ADGRL3: variants seen among roughly 807,000 people sequenced by gnomAD.
The protein encoded by ADGRL3 is calcium-independent alpha-latrotoxin receptor 3.
Under a neutral mutation model 153.5 loss-of-function variants are expected in ADGRL3, and 62 were observed. The observed-to-expected ratio is 0.40, with a 90% CI of 0.33 to 0.50. The LOEUF is 0.50. Ranked by LOEUF, ADGRL3 falls within the 20% of genes least tolerant of loss-of-function variation. The probability of loss-of-function intolerance (pLI) is 0.47; values close to 1 mark genes in which losing one functional copy is unlikely to be tolerated. For missense variants in ADGRL3, 1,641 were observed against 1,859.4 expected (o/e 0.88, Z 2.16); for synonymous variants, 710 against 672.5 (o/e 1.06, Z -0.86).
chr4:62,009,428 A>G (rs1214617403), intron 21 of ADGRL3, among the ~76,000 whole-genome samples: 1 of 152,098 alleles, frequency 6.6e-6, no homozygotes, highest in African/African-American at 2.4e-5. Context: ...ATAAAATTTT[A>G]TGAAGCGTAC....
intron 1 of ADGRL3, among the ~76,000 whole-genome samples, chr4:61,302,581 T>G (rs1560449025): frequency 6.6e-6 from 1 of 152,158 alleles, no homozygotes; most frequent in Non-Finnish European, 1.5e-5. Context: ...TTAACTTCAC[T>G]CCTAAAGTTT....
intron 4 of ADGRL3, among the ~76,000 whole-genome samples, chr4:61,554,654 A>C (rs2148870814): frequency 6.6e-6 from 1 of 152,344 alleles, no homozygotes; most frequent in South Asian, 2.1e-4. Flanking sequence ...TGAGTAGCAC[A>C]TGCTTTTAAA....
chr4:61,984,411 A>G (rs1269227286), intron 19 of ADGRL3, among the ~76,000 whole-genome samples: 2 of 152,110 alleles, frequency 1.3e-5, no homozygotes, highest in African/African-American at 2.4e-5. Flanking sequence ...ATGGTGTTTC[A>G]AAACACCATC....
chr4:61,210,252 G>A (rs564475855), intron 1 of ADGRL3, among the ~76,000 whole-genome samples: 2 of 152,240 alleles, frequency 1.3e-5, no homozygotes, highest in Admixed American at 6.5e-5. Flanking sequence ...CCAGAATTAG[G>A]TGTTTTAAAG....
At chr4:62,004,237 T>C (rs2099150119) in intron 21 of ADGRL3, among the ~76,000 whole-genome samples, 2 of 152,028 alleles carry the variant, frequency 1.3e-5, no homozygotes, top group African/African-American at 4.8e-5. Context: ...TATATACTTA[T>C]GAAAAATGCA....
chr4:61,357,519 T>C (rs1158340660), intron 1 of ADGRL3, among the ~76,000 whole-genome samples: 2 of 152,156 alleles, frequency 1.3e-5, no homozygotes, highest in African/African-American at 2.4e-5. Context: ...TACAGGTATT[T>C]AAAATTACAT....
chr4:61,699,220 C>T (rs946623398), intron 6 of ADGRL3, among the ~76,000 whole-genome samples: 6 of 152,010 alleles, frequency 3.9e-5, no homozygotes, highest in Non-Finnish European at 7.4e-5. Flanking sequence ...TGAGAGTGCA[C>T]TCTGATATGA....
At chr4:61,464,347 A>G (rs1405357181) in intron 2 of ADGRL3, among the ~76,000 whole-genome samples, 1 of 152,202 alleles carries the variant, frequency 6.6e-6, no homozygotes, top group Non-Finnish European at 1.5e-5. Flanking sequence ...AAAAGGGTGA[A>G]ACTCAAGAGT....
chr4:61,709,758 A>G (rs2095931607), intron 6 of ADGRL3, among the ~76,000 whole-genome samples: 1 of 152,174 alleles, frequency 6.6e-6, no homozygotes, highest in Non-Finnish European at 1.5e-5. Context: ...TTACCTAGAA[A>G]AATTTGTATT....
At chr4:61,929,887 C>T (rs992452869) in intron 13 of ADGRL3, among the ~76,000 whole-genome samples, 1 of 152,108 alleles carries the variant, frequency 6.6e-6, no homozygotes, top group African/African-American at 2.4e-5. Context: ...AAAAACTTGT[C>T]TGCAAGGTCA....
rs2152764792 is a variant in ADGRL3 at position 61,487,817 on chromosome 4, A to G, written c.-173-9304A>G. Among the ~76,000 whole-genome samples, 3 of 152,224 alleles carry G rather than the reference A, an allele frequency of 2.0e-5. No homozygotes were observed. The South Asian group carries it at 6.2e-4, about 32-fold the overall frequency. On this transcript the variant is annotated intron_variant, in intron 2 of 26. Coordinates refer to ENST00000683033, the MANE Select transcript of ADGRL3 (RefSeq NM_001387552.1). ...AGGTTCTATCTTACCAATTGTATAT[A>G]TAGAAAGAACATGAGGTTCATTTTT... is the stretch of plus-strand genomic sequence containing the variant.
At chr4:62,010,659 T>A (rs546880159) in intron 21 of ADGRL3, among the ~76,000 whole-genome samples, 1 of 151,672 alleles carries the variant, frequency 6.6e-6, no homozygotes, top group South Asian at 2.1e-4. Flanking sequence ...AATATGCTAC[T>A]GTGGCTATAT....
rs374478970 is a variant in ADGRL3 at position 61,637,077 on chromosome 4, C to A, written c.474-39749C>A. The stretch of plus-strand genomic sequence containing the variant: ...TATTATGAGCAAAAACTAAGACCAG[C>A]ACAGAGAGCCACTGTTACAGGTTGA... On this transcript the variant is annotated intron_variant, in intron 5 of 26. Transcript: ENST00000683033. Among the ~76,000 whole-genome samples, 41 of 152,184 alleles carry A rather than the reference C, an allele frequency of 2.7e-4. No individual in the cohort carries two copies. In the South Asian group the frequency reaches 7.9e-3, roughly 29 times the overall value.
At chr4:61,615,225 A>G (rs918150563) in intron 5 of ADGRL3, among the ~76,000 whole-genome samples, 1 of 152,116 alleles carries the variant, frequency 6.6e-6, no homozygotes, top group Non-Finnish European at 1.5e-5. Context: ...ACTCTTCCGA[A>G]TTTGTTTATA....
intron 4 of ADGRL3, among the ~76,000 whole-genome samples, chr4:61,534,832 TG>T (rs2098645211): frequency 1.3e-5 from 2 of 152,098 alleles, no homozygotes; most frequent in African/African-American, 4.8e-5. Flanking sequence ...CAAGTCTAGG[TG>T]TCTTTTGGAA....
rs1251371703 is a variant in ADGRL3, at chr4:61,653,149, CTG to C, written c.474-23675_474-23674del. ...AGAAAGCCTCTCTCTCTCTCTCTCTCTGTCTCTCTCTCTCTCTCTCTCACACA... is the reference window on the plus strand; with the variant it reads ...AGAAAGCCTCTCTCTCTCTCTCTCTCTCTCTCTCTCTCTCTCTCTCACACA... On this transcript the variant is annotated intron_variant, in intron 5 of 26. Transcript: ENST00000683033. Among the ~76,000 whole-genome samples the C allele has an allele frequency of 3.8e-3, 386 of 101,450 alleles. 1 individual carries two copies. Among genetic ancestry groups the C allele is most frequent in the Middle Eastern group, 0.015 (3 of 204 alleles). The allele number at this position is 101,450 out of a possible 152,430, so 66.6% of individuals were successfully genotyped here.
chr4:61,827,872 C>A (rs2097826521), intron 9 of ADGRL3, among the ~76,000 whole-genome samples: 6 of 149,962 alleles, frequency 4.0e-5, no homozygotes, highest in Non-Finnish European at 7.4e-5. Context: ...AACATGACTG[C>A]AAAGTGGTTC....
intron 1 of ADGRL3, among the ~76,000 whole-genome samples, chr4:61,225,592 A>G (rs2149091570): frequency 6.6e-6 from 1 of 152,322 alleles, no homozygotes; most frequent in African/African-American, 2.4e-5. Flanking sequence ...GTCAAGATGT[A>G]TCTGTGTCAG....
At chr4:61,301,610 A>G (rs935055284) in intron 1 of ADGRL3, among the ~76,000 whole-genome samples, 8 of 152,196 alleles carry the variant, frequency 5.3e-5, no homozygotes, top group Non-Finnish European at 1.0e-4. Context: ...ACTTAGAACC[A>G]TCTTAACTGG....
Sources: allele counts gnomAD v4.1 joint callset (sites outside exome capture counted in the v4.1 genomes callset), GRCh38; gene constraint gnomAD v4.1.1; transcripts MANE v1.5; gene names NCBI Gene and HGNC (gene_info 2026-07-23, HGNC 2026-07-21).